Variants in ARHGAP5 observed in about 807,000 individuals in gnomAD.
ARHGAP5 encodes Rho GTPase activating protein 5, also known as rho GTPase-activating protein 5.
In ARHGAP5, 23 loss-of-function variants were observed where a neutral mutation model predicts 116.6. That is an observed-to-expected ratio of 0.20 (90% CI 0.14 to 0.28). ARHGAP5 has a LOEUF of 0.28. Ranked by LOEUF, ARHGAP5 falls within the 10% of genes least tolerant of loss-of-function variation. The pLI, the probability that ARHGAP5 is intolerant of heterozygous loss-of-function variation, is 1.00. For missense variants in ARHGAP5, 1,405 were observed against 1,774.8 expected, an observed-to-expected ratio of 0.79 and a Z score of 3.74; for synonymous variants, 574 against 602.0, an observed-to-expected ratio of 0.95 and a Z score of 0.68.
At chr14:32,098,505 A>G (rs1878639690) in intron 2 of ARHGAP5, among the ~76,000 whole-genome samples, 1 of 152,234 alleles carries the variant, frequency 6.6e-6, no homozygotes, top group Admixed American at 6.5e-5. Context: ...CATAGGATGT[A>G]CATGTGGTGG....
In ARHGAP5 at chr14:32,079,316, G is replaced by A. The variant is rs569400859; in HGVS notation, c.-169+1881G>A. ...TATTAAGAGTACTGGGGAGTGAGGT[G>A]GGTTACACTTTGATGTAAGAATTGC... On this transcript the variant is annotated intron_variant, in intron 1 of 6. Transcript: ENST00000345122. 3.9e-5 allele frequency among the ~76,000 whole-genome samples: 6 copies of A among 152,242 alleles called. No homozygotes were observed. The South Asian group carries it at 1.2e-3, about 32-fold the overall frequency.
intron 2 of ARHGAP5, among the ~76,000 whole-genome samples, chr14:32,114,008 C>A (rs1879432731): frequency 6.6e-6 from 1 of 152,278 alleles, no homozygotes; most frequent in South Asian, 2.1e-4. Context: ...GCGGGCAGAT[C>A]ACGAGGTCAG....
rs535970333 is a variant in ARHGAP5, at chr14:32,077,983, C to T, written c.-169+548C>T. ...CCTCGACTCCTCCCTGGGTTCTCTT[C>T]ACCAATTTTCCATCTGCTTTGAAGC... On this transcript the variant is annotated intron_variant, in intron 1 of 6. Transcript: ENST00000345122. Among the ~76,000 whole-genome samples the T allele has an allele frequency of 2.1e-3, 325 of 152,322 alleles. 2 individuals are homozygous for T. Among genetic ancestry groups the T allele is most frequent in the African/African-American group, 7.5e-3 (310 of 41,588 alleles).
At chr14:32,097,848 A>G (rs1250946841) in intron 2 of ARHGAP5, among the ~76,000 whole-genome samples, 4 of 152,228 alleles carry the variant, frequency 2.6e-5, no homozygotes, top group African/African-American at 9.6e-5. Context: ...TAGAGAAAGT[A>G]ATTACAGAAG....
chr14:32,080,116 T>C (rs950567374), intron 1 of ARHGAP5, among the ~76,000 whole-genome samples: 1 of 151,966 alleles, frequency 6.6e-6, no homozygotes, highest in East Asian at 1.9e-4. Flanking sequence ...TATTAGAAAT[T>C]AAGAAAAATG....
chr14:32,094,463 G>C lies in ARHGAP5; in HGVS notation c.3717+77G>C, dbSNP rs45503600. 4,530 of 1,116,250 alleles carry C rather than the reference G, an allele frequency of 4.1e-3. 23 individuals are homozygous for C. The highest frequency in any genetic ancestry group is 9.0e-3 in the Middle Eastern group (43 of 4,762). 69.1% of individuals were successfully genotyped at this position (1,116,250 alleles called of 1,614,324 possible). ...TTTTAAAATACTGACATCAGTGTTA[G>C]AATTTAGTCTCATTCATTCCATACA... On this transcript the variant is annotated intron_variant, in intron 2 of 6. Coordinates refer to ENST00000345122, the MANE Select transcript of ARHGAP5 (RefSeq NM_001030055.2).
intron 1 of ARHGAP5, among the ~76,000 whole-genome samples, chr14:32,082,697 G>A (rs1383744930): frequency 1.3e-5 from 2 of 152,000 alleles, no homozygotes; most frequent in Non-Finnish European, 2.9e-5. Context: ...ACGCCATCAC[G>A]CCTGGCTAAT....
chr14:32,103,752 TC>T (rs1261907868), intron 2 of ARHGAP5, among the ~76,000 whole-genome samples: 1 of 152,170 alleles, frequency 6.6e-6, no homozygotes, highest in African/African-American at 2.4e-5. Flanking sequence ...TGTTTTCCTG[TC>T]ATCTCAGCTA....
At position 32,157,818 on chromosome 14, in the gene ARHGAP5, A is replaced by G. The variant is rs1475233281; in HGVS notation, c.*2870A>G. ...AATGTAGACCTGGGTTTTTTTGTTT[A>G]TTTGGGTTTGTTTTTTTTTTTGAGG... On this transcript the variant is annotated 3_prime_UTR_variant, in exon 7 of 7. Transcript: ENST00000345122. The G allele has an allele frequency of 1.3e-5, 2 of 149,148 alleles. No individual in the cohort carries two copies. Among genetic ancestry groups the G allele is most frequent in the African/African-American group, 4.9e-5 (2 of 40,744 alleles). The allele number at this position is 149,148 out of a possible 1,614,324, so 9.2% of individuals were successfully genotyped here. A position where few individuals can be genotyped will look rare whatever the true frequency, so the allele number is the denominator to read the frequency against.
intron 3 of ARHGAP5, among the ~76,000 whole-genome samples, chr14:32,142,246 A>G (rs1226821630): frequency 9.2e-5 from 14 of 152,116 alleles, no homozygotes; most frequent in Admixed American, 8.5e-4. Flanking sequence ...AGTAAATGCA[A>G]TGGACATTTT....
chr14:32,117,030 G>T, intron 2 of ARHGAP5, 110 bp from the exon 3 acceptor site: 2 of 753,520 alleles, frequency 2.7e-6, no homozygotes. Flanking sequence ...ATTTAGGTTG[G>T]ATGTGGCTAT....
At chr14:32,116,334 T>C (rs1566671527) in intron 2 of ARHGAP5, among the ~76,000 whole-genome samples, 1 of 151,232 alleles carries the variant, frequency 6.6e-6, no homozygotes, top group Non-Finnish European at 1.5e-5. Context: ...CTCACACCTG[T>C]AATCCCAGCA....
chr14:32,152,270 G>C (rs1881671242), intron 5 of ARHGAP5, among the ~76,000 whole-genome samples, 153 bp from the exon 6 acceptor site: 1 of 152,176 alleles, frequency 6.6e-6, no homozygotes, highest in African/African-American at 2.4e-5. Flanking sequence ...GCTGGGGACT[G>C]TTGCTTTAGA....
chr14:32,107,546 G>A (rs1333422517), intron 2 of ARHGAP5, among the ~76,000 whole-genome samples: 1 of 152,136 alleles, frequency 6.6e-6, no homozygotes, highest in Non-Finnish European at 1.5e-5. Context: ...GGAACCAAAA[G>A]GAAATGTGAC....
chr14:32,081,277 T>G (rs1339815509), intron 1 of ARHGAP5, among the ~76,000 whole-genome samples: 2 of 152,146 alleles, frequency 1.3e-5, no homozygotes, highest in East Asian at 1.9e-4. Context: ...AGAAAGTTAT[T>G]TAGCTAAAGG....
intron 3 of ARHGAP5, among the ~76,000 whole-genome samples, chr14:32,138,204 C>G (rs374494796): frequency 3.9e-5 from 6 of 152,108 alleles, no homozygotes; most frequent in South Asian, 2.1e-4. Flanking sequence ...TATAAAAATA[C>G]AACTAACTTT....
At chr14:32,114,241 AT>A (rs1383501517) in intron 2 of ARHGAP5, among the ~76,000 whole-genome samples, 1 of 151,974 alleles carries the variant, frequency 6.6e-6, no homozygotes, top group African/African-American at 2.4e-5. Context: ...AAAAAAAAAA[AT>A]CTACCCAAGT....
intron 3 of ARHGAP5, among the ~76,000 whole-genome samples, chr14:32,131,330 T>C (rs1294711357): frequency 6.6e-6 from 1 of 152,008 alleles, no homozygotes; most frequent in East Asian, 1.9e-4. Flanking sequence ...TTGTGTTAAT[T>C]TTGTTAAAAT....
rs563222261 is a variant in ARHGAP5, at chr14:32,091,633, C to T, written c.964C>T (p.His322Tyr). 2.5e-5 allele frequency: 40 copies of T among 1,611,634 alleles called. 1 individual carries two copies. The South Asian group carries it at 4.1e-4, about 16-fold the overall frequency. The change falls in exon 2 of 7, where the codon CAT (histidine) becomes TAT (tyrosine). Residue 322 changes from histidine to tyrosine, a missense_variant. Physicochemically the swap from His to Tyr is moderately conservative, Grantham distance 83. This residue lies in a region of ARHGAP5 where 944 missense variants were observed against 1,095.3 expected (regional missense o/e 0.86). Coordinates refer to ENST00000345122, the MANE Select transcript of ARHGAP5 (RefSeq NM_001030055.2). ...TRKARNTFSK[H>Y]IEQLKQEHIR... ...AAAGGCCAGAAATACATTCTCAAAACATATAGAACAACTTAAACAGGAACA... is the reference window on the plus strand; with the variant it reads ...AAAGGCCAGAAATACATTCTCAAAATATATAGAACAACTTAAACAGGAACA...
Sources: allele counts gnomAD v4.1 joint callset (sites outside exome capture counted in the v4.1 genomes callset), GRCh38; gene constraint gnomAD v4.1.1; regional missense constraint gnomAD v4.1.1; transcripts MANE v1.5; gene names NCBI Gene and HGNC (gene_info 2026-07-23, HGNC 2026-07-21).